The following TYW1B variants were observed in gnomAD, a reference collection of about 807,000 sequenced individuals.
TYW1B encodes the protein tRNA-yW synthesizing protein 1 homolog B, also known as S-adenosyl-L-methionine-dependent tRNA 4-demethylwyosine synthase TYW1B.
A neutral mutation model predicts 86.9 loss-of-function variants in TYW1B; 73 were observed. That is an observed-to-expected ratio of 0.84 (90% CI 0.70 to 1.02). TYW1B has a LOEUF of 1.02. TYW1B is among the 50% of genes least tolerant of loss of function. The pLI, the probability that TYW1B is intolerant of heterozygous loss-of-function variation, is 0.00. For synonymous variants in TYW1B, 248 were observed against 292.8 expected (o/e 0.85, Z 1.56); for missense variants, 637 against 827.4 (o/e 0.77, Z 2.82).
Position 72,826,946 on chromosome 7 carries a change from A to G in TYW1B, c.44T>C (p.Ile15Thr). 2 of 1,613,804 alleles carry G rather than the reference A, an allele frequency of 1.2e-6. No homozygotes were observed. The highest frequency in any genetic ancestry group is 1.7e-6 in the Non-Finnish European group (2 of 1,179,894). The stretch of plus-strand genomic sequence containing the variant: ...GTAAAACCTGTTTATCCATAATGAT[A>G]TTAAAGGTGAGGAGAGGTCCCATGT... Reference protein sequence around the residue: ...ADTWDLSSPLISLWINRFYIY... With the variant: ...ADTWDLSSPLTSLWINRFYIY... Residue 15 changes from isoleucine (I) to threonine (T), a missense_variant, in exon 2 of 14, where the codon ATA (isoleucine) becomes ACA (threonine). Coordinates refer to ENST00000620995, the MANE Select transcript of TYW1B (RefSeq NM_001145440.3).
intron 2 of TYW1B, among the ~76,000 whole-genome samples, chr7:72,816,487 T>C (rs13308127): frequency 1.3e-5 from 2 of 152,178 alleles, no homozygotes; most frequent in Non-Finnish European, 2.9e-5. Flanking sequence ...CACAGGGCTG[T>C]CAGAACCCCA....
chr7:72,642,452 G>T (rs2129569045), intron 11 of TYW1B, among the ~76,000 whole-genome samples: 1 of 152,336 alleles, frequency 6.6e-6, no homozygotes, highest in Non-Finnish European at 1.5e-5. Context: ...AGTGTGAACT[G>T]AAACATATAT....
intron 9 of TYW1B, among the ~76,000 whole-genome samples, chr7:72,720,969 A>T (rs535442987): frequency 1.4e-5 from 2 of 140,708 alleles, no homozygotes; most frequent in African/African-American, 5.4e-5. Flanking sequence ...TCATTGTTCA[A>T]TTCCCACCTA....
chr7:72,700,016 G>GTCC (rs1814423697), intron 10 of TYW1B, among the ~76,000 whole-genome samples: 3 of 151,944 alleles, frequency 2.0e-5, no homozygotes, highest in Non-Finnish European at 4.4e-5. Context: ...GTGGCTCTAG[G>GTCC]GTGGTGGAGA....
At chr7:72,728,987 T>A in intron 8 of TYW1B, 56 bp from the exon 9 acceptor site, 1 of 1,505,766 alleles carries the variant, frequency 6.6e-7, no homozygotes, top group Admixed American at 2.0e-5. Context: ...TCTGGGCTAG[T>A]CATTTATGAT....
intron 2 of TYW1B, among the ~76,000 whole-genome samples, chr7:72,818,652 A>C (rs1456737981): frequency 6.6e-6 from 1 of 151,752 alleles, no homozygotes; most frequent in African/African-American, 2.4e-5. Context: ...AAAGACGTTT[A>C]ATTGGCTCAC....
intron 11 of TYW1B, among the ~76,000 whole-genome samples, chr7:72,650,069 G>GTTT (rs58355823): frequency 3.0e-5 from 4 of 131,550 alleles, no homozygotes; most frequent in African/African-American, 1.1e-4. Flanking sequence ...TTTTTTGTTG[G>GTTT]TTTTTTTTTT....
intron 7 of TYW1B, among the ~76,000 whole-genome samples, chr7:72,770,083 A>C (rs1291104743): frequency 1.1e-4 from 17 of 151,670 alleles, no homozygotes; most frequent in Non-Finnish European, 2.2e-4. Context: ...GAAAAAAAAA[A>C]AAACAAAAAA....
rs1811544083 is a variant in TYW1B at position 72,596,794 on chromosome 7, A to G, written c.1785+19878T>C. ...AAACTGGACCTTATGAAAAATTTTA[A>G]AAGGCATGCATCAAAAGGCAGTATC... is the stretch of plus-strand genomic sequence containing the variant. On this transcript the variant is annotated intron_variant, in intron 13 of 13. Transcript: ENST00000620995. 3.3e-5 allele frequency among the ~76,000 whole-genome samples: 5 copies of G among 152,166 alleles called. 1 individual carries two copies. In the South Asian group the frequency reaches 1.0e-3, roughly 31 times the overall value.
At chr7:72,716,494 GCC>G (rs1370036143) in intron 9 of TYW1B, among the ~76,000 whole-genome samples, 2 of 152,180 alleles carry the variant, frequency 1.3e-5, no homozygotes, top group Non-Finnish European at 2.9e-5. Context: ...GCTCAGTTGT[GCC>G]TCAGTTTTCA....
At chr7:72,716,796 G>A (rs1190335012) in intron 9 of TYW1B, among the ~76,000 whole-genome samples, 3 of 140,062 alleles carry the variant, frequency 2.1e-5, no homozygotes, top group African/African-American at 8.0e-5. Flanking sequence ...ACACCACCAC[G>A]TCTGGCTAAT....
intron 7 of TYW1B, among the ~76,000 whole-genome samples, chr7:72,775,627 C>T (rs1243844183): frequency 2.8e-4 from 42 of 151,736 alleles, no homozygotes; most frequent in South Asian, 2.1e-4. Context: ...AAAGTAAAGC[C>T]ATTTTCAGAT....
intron 9 of TYW1B, among the ~76,000 whole-genome samples, chr7:72,715,426 C>T (rs1786760199): frequency 6.6e-6 from 1 of 152,166 alleles, no homozygotes; most frequent in Admixed American, 6.5e-5. Flanking sequence ...TCAGGTACTG[C>T]TCTTGACTCA....
chr7:72,624,040 A>G (rs1379629126), intron 12 of TYW1B, among the ~76,000 whole-genome samples: 1 of 152,172 alleles, frequency 6.6e-6, no homozygotes, highest in Non-Finnish European at 1.5e-5. Flanking sequence ...ACCTCAAGTG[A>G]TCTGCCTGAC....
At chr7:72,735,525 T>C (rs1554460840) in intron 8 of TYW1B, among the ~76,000 whole-genome samples, 2 of 148,626 alleles carry the variant, frequency 1.3e-5, no homozygotes, top group East Asian at 2.0e-4. Flanking sequence ...TGGGCCAAGA[T>C]TGTGTCACTG....
At chr7:72,641,160 A>G (rs1368813727) in intron 11 of TYW1B, among the ~76,000 whole-genome samples, 2 of 152,114 alleles carry the variant, frequency 1.3e-5, no homozygotes, top group Non-Finnish European at 2.9e-5. Context: ...GATAACCTAA[A>G]TTAAATGGAC....
At chr7:72,580,505 A>G (rs1811128653) in intron 13 of TYW1B, among the ~76,000 whole-genome samples, 1 of 152,220 alleles carries the variant, frequency 6.6e-6, no homozygotes, top group Admixed American at 6.5e-5. Context: ...ACACAAGCGC[A>G]ATAAGATACA....
chr7:72,827,374 C>T (rs1788952599), intron 1 of TYW1B, among the ~76,000 whole-genome samples: 2 of 152,190 alleles, frequency 1.3e-5, no homozygotes, highest in Admixed American at 1.3e-4. Context: ...CGCCACCGCA[C>T]TCCAGCCTGG....
chr7:72,725,412 TC>T (rs1407450720), intron 9 of TYW1B, among the ~76,000 whole-genome samples: 4 of 152,054 alleles, frequency 2.6e-5, no homozygotes, highest in Non-Finnish European at 5.9e-5. Flanking sequence ...TCCCATTAGC[TC>T]CTTAAGCACT....
Sources: gnomAD v4.1 joint callset for allele counts (sites outside exome capture counted in the v4.1 genomes callset) on GRCh38, gnomAD v4.1.1 for gene constraint, MANE v1.5 for transcripts, NCBI Gene and HGNC (gene_info 2026-07-23, HGNC 2026-07-21) for gene names.